FOXP1: variants seen among roughly 807,000 people sequenced by gnomAD.
FOXP1 encodes forkhead box P1, also known as forkhead box protein P1.
FOXP1 carries 15 observed loss-of-function variants against 98.2 expected under a neutral mutation model. The ratio of observed to expected loss-of-function variants is 0.15; its 90% confidence interval spans 0.10 to 0.24. The LOEUF is 0.24. Ranked by LOEUF, FOXP1 falls within the 10% of genes least tolerant of loss-of-function variation. FOXP1 has a pLI of 1.00. For synonymous variants in FOXP1, 371 were observed against 314.5 expected (o/e 1.18, Z -1.90); for missense variants, 633 against 848.5 (o/e 0.75, Z 3.15).
intron 12 of FOXP1, among the ~76,000 whole-genome samples, chr3:71,004,929 G>GGCCTCTAATGCA (rs2042577262): frequency 6.6e-6 from 1 of 151,926 alleles, no homozygotes; most frequent in Admixed American, 6.6e-5. Flanking sequence ...ATATTCAAAT[G>GGCCTCTAATGCA]GCCTCTAATG....
chr3:71,478,245 C>A (rs188476454), intron 3 of FOXP1, among the ~76,000 whole-genome samples: 1 of 152,286 alleles, frequency 6.6e-6, no homozygotes, highest in African/African-American at 2.4e-5. Flanking sequence ...CTTCAGCCCC[C>A]TACATAAGCC....
chr3:71,183,847 T>C (rs1036215923), intron 6 of FOXP1, among the ~76,000 whole-genome samples: 1 of 152,088 alleles, frequency 6.6e-6, no homozygotes, highest in Admixed American at 6.6e-5. Context: ...GGTCCAGTAA[T>C]CTATGTTTTA....
At chr3:71,126,177 G>C (rs1250015115) in intron 6 of FOXP1, among the ~76,000 whole-genome samples, 1 of 152,120 alleles carries the variant, frequency 6.6e-6, no homozygotes, top group Non-Finnish European at 1.5e-5. Flanking sequence ...CAGCATTTGG[G>C]GATATGATTA....
At position 71,296,781 on chromosome 3, in the gene FOXP1, G is replaced by A. The variant is rs376287711; in HGVS notation, c.-12+3039C>T. Among the ~76,000 whole-genome samples, 67 of 152,282 alleles carry A rather than the reference G, an allele frequency of 4.4e-4. 1 individual carries two copies. In the South Asian group the frequency reaches 0.013, roughly 30 times the overall value. The stretch of plus-strand genomic sequence containing the variant: ...TGGATCATGGGGGCTGATCTCTCAC[G>A]AATGGCTAGTGTCCTCCCCAGAGTA... On this transcript the variant is annotated intron_variant, in intron 5 of 20. Coordinates refer to ENST00000649528, the MANE Select transcript of FOXP1 (RefSeq NM_001349338.3).
At chr3:71,060,274 A>G (rs536926900) in intron 7 of FOXP1, among the ~76,000 whole-genome samples, 1 of 152,248 alleles carries the variant, frequency 6.6e-6, no homozygotes, top group Non-Finnish European at 1.5e-5. Flanking sequence ...AACTTTCTCA[A>G]ATTGTAGTTT....
intron 2 of FOXP1, among the ~76,000 whole-genome samples, chr3:71,518,191 A>G (rs1475168029): frequency 6.6e-6 from 1 of 152,190 alleles, no homozygotes; most frequent in Admixed American, 6.5e-5. Context: ...TAAGAACTCT[A>G]AGAAACTTAA....
At chr3:71,015,267 C>T (rs907344445) in intron 12 of FOXP1, among the ~76,000 whole-genome samples, 1 of 152,030 alleles carries the variant, frequency 6.6e-6, no homozygotes, top group Non-Finnish European at 1.5e-5. Context: ...AAGTTTAATA[C>T]TGGAATCGTT....
At chr3:71,476,869 C>A (rs949087419) in intron 3 of FOXP1, among the ~76,000 whole-genome samples, 3 of 152,056 alleles carry the variant, frequency 2.0e-5, no homozygotes, top group Admixed American at 1.3e-4. Context: ...GTCTTATTTG[C>A]AGCTTAATAA....
At chr3:71,527,320 AAGG>A (rs1392665097) in intron 2 of FOXP1, among the ~76,000 whole-genome samples, 3 of 152,200 alleles carry the variant, frequency 2.0e-5, no homozygotes, top group Non-Finnish European at 2.9e-5. Context: ...CAGCAAGATC[AAGG>A]AGTTCAAAAT....
intron 5 of FOXP1, among the ~76,000 whole-genome samples, chr3:71,255,012 A>C (rs1268928580): frequency 2.0e-5 from 3 of 152,188 alleles, no homozygotes; most frequent in African/African-American, 7.2e-5. Flanking sequence ...GGGCCCACTT[A>C]ACGCCAAGCA....
intron 5 of FOXP1, among the ~76,000 whole-genome samples, chr3:71,267,812 G>A (rs1468119622): frequency 6.6e-6 from 1 of 152,074 alleles, no homozygotes; most frequent in Non-Finnish European, 1.5e-5. Context: ...GAGGTCAGGA[G>A]TTCGAGGCCA....
intron 11 of FOXP1, among the ~76,000 whole-genome samples, chr3:71,017,191 A>T (rs2044626091): frequency 6.6e-6 from 1 of 152,156 alleles, no homozygotes; most frequent in Non-Finnish European, 1.5e-5. Context: ...CATTGGACTC[A>T]AGGAAAGAAT....
At chr3:71,450,421 G>T (rs1214042998) in intron 3 of FOXP1, among the ~76,000 whole-genome samples, 1 of 152,182 alleles carries the variant, frequency 6.6e-6, no homozygotes, top group African/African-American at 2.4e-5. Context: ...GCCAGTGAAT[G>T]CCACTCTCTA....
rs563763306 is a variant in FOXP1 at position 71,136,179 on chromosome 3, T to A, written c.181-23542A>T. On this transcript the variant is annotated intron_variant, in intron 6 of 20. Transcript: ENST00000649528. Reference sequence around the variant, plus strand: ...ATAAATGCACCTTTGAAGGTTTAATTCAATTGGCAATCTGAGAAGTCTTAT... The same window carrying A: ...ATAAATGCACCTTTGAAGGTTTAATACAATTGGCAATCTGAGAAGTCTTAT... 3.0e-4 allele frequency among the ~76,000 whole-genome samples: 45 copies of A among 152,352 alleles called. 1 individual carries two copies. The South Asian group carries it at 9.1e-3, about 31-fold the overall frequency.
intron 20 of FOXP1, among the ~76,000 whole-genome samples, chr3:70,961,009 A>T (rs1180269465): frequency 2.0e-5 from 3 of 151,224 alleles, no homozygotes; most frequent in Non-Finnish European, 2.9e-5. Flanking sequence ...CGCCCGGCTA[A>T]ATTTTTTTGT....
chr3:71,176,342 CACT>C (rs1196591802), intron 6 of FOXP1, among the ~76,000 whole-genome samples: 1 of 152,118 alleles, frequency 6.6e-6, no homozygotes, highest in Non-Finnish European at 1.5e-5. Flanking sequence ...TTGCAACCAC[CACT>C]ACTTACTTGC....
intron 3 of FOXP1, among the ~76,000 whole-genome samples, chr3:71,488,236 C>CTGAA (rs2090808202): frequency 6.6e-6 from 1 of 152,186 alleles, no homozygotes; most frequent in African/African-American, 2.4e-5. Context: ...GTTACAGCTT[C>CTGAA]TGAATTAAAT....
chr3:71,582,275 T>C (rs2048240018), intron 1 of FOXP1: 4 of 981,934 alleles, frequency 4.1e-6, no homozygotes, highest in Non-Finnish European at 4.8e-6. Context: ...GAGCGCGACG[T>C]TGTCTGAAAA....
intron 2 of FOXP1, among the ~76,000 whole-genome samples, chr3:71,560,523 G>A (rs2107729285): frequency 6.6e-6 from 1 of 152,266 alleles, no homozygotes; most frequent in South Asian, 2.1e-4. Context: ...AACATAGAAG[G>A]TAGCATATGG....
Sources: gnomAD v4.1 joint callset for allele counts (sites outside exome capture counted in the v4.1 genomes callset) on GRCh38, gnomAD v4.1.1 for gene constraint, MANE v1.5 for transcripts, NCBI Gene and HGNC (gene_info 2026-07-23, HGNC 2026-07-21) for gene names.